Variants in SDHC observed in about 807,000 individuals in gnomAD.
The protein encoded by SDHC is succinate dehydrogenase complex subunit C.
In SDHC, 11 loss-of-function variants were observed where a neutral mutation model predicts 22.6. That is an observed-to-expected ratio of 0.49 (90% CI 0.31 to 0.81). SDHC has a LOEUF of 0.81. Among genes scored for constraint, SDHC ranks in the 30% least tolerant of loss-of-function variants. The pLI is 0.05. For synonymous variants in SDHC, 80 were observed against 77.8 expected, an observed-to-expected ratio of 1.03 and a Z score of -0.15; for missense variants, 160 against 212.0, an observed-to-expected ratio of 0.75 and a Z score of 1.52.
At chr1:161,342,493 TA>T (rs1242215759) in intron 4 of SDHC, among the ~76,000 whole-genome samples, 1 of 151,800 alleles carries the variant, frequency 6.6e-6, no homozygotes, top group African/African-American at 2.4e-5. Context: ...CTCCTGTGGA[TA>T]GTTCCCTGGT....
intron 1 of SDHC, 161 bp downstream of exon 1, chr1:161,314,586 T>G: frequency 2.5e-6 from 2 of 799,852 alleles, no homozygotes; most frequent in Non-Finnish European, 4.1e-6. Context: ...CCTTTTCCCG[T>G]CCCCCCCAGC....
chr1:161,314,733 G>C (rs1019143830), intron 1 of SDHC: 2 of 444,088 alleles, frequency 4.5e-6, no homozygotes, highest in African/African-American at 3.9e-5. Context: ...CCAGAGCCGA[G>C]CTCTGAGAAA....
chr1:161,346,217 A>G (rs1671892623), intron 4 of SDHC, among the ~76,000 whole-genome samples: 1 of 152,212 alleles, frequency 6.6e-6, no homozygotes, highest in Non-Finnish European at 1.5e-5. Context: ...ATCTTTATTT[A>G]CTAAATGAAC....
chr1:161,362,030 T>A (rs1000943369), intron 5 of SDHC, among the ~76,000 whole-genome samples: 4 of 151,998 alleles, frequency 2.6e-5, no homozygotes, highest in Non-Finnish European at 5.9e-5. Context: ...AAAAGTTGTA[T>A]CTATTCATTC....
chr1:161,348,792 C>T (rs963405049), intron 4 of SDHC, among the ~76,000 whole-genome samples: 3 of 151,532 alleles, frequency 2.0e-5, no homozygotes, highest in African/African-American at 7.3e-5. Flanking sequence ...GAGCTAGGAT[C>T]GCACCAGTGC....
At chr1:161,352,362 A>G (rs1366812504) in intron 4 of SDHC, among the ~76,000 whole-genome samples, 3 of 152,204 alleles carry the variant, frequency 2.0e-5, no homozygotes, top group Admixed American at 1.3e-4. Flanking sequence ...TCCTGATTAT[A>G]TCTGGCTTGG....
intron 4 of SDHC, among the ~76,000 whole-genome samples, chr1:161,353,827 A>G (rs1672174170): frequency 6.6e-6 from 1 of 152,284 alleles, no homozygotes; most frequent in African/African-American, 2.4e-5. Context: ...TATGAAAAAC[A>G]AAAGCAAAAA....
At chr1:161,344,146 C>T (rs921255187) in intron 4 of SDHC, among the ~76,000 whole-genome samples, 16 of 152,108 alleles carry the variant, frequency 1.1e-4, no homozygotes, top group South Asian at 4.2e-4. Flanking sequence ...AAAAAATAGC[C>T]GGGCATGGTG....
At chr1:161,356,932 C>A in intron 5 of SDHC, 92 bp downstream of exon 5, 2 of 1,066,196 alleles carry the variant, frequency 1.9e-6, no homozygotes, top group Non-Finnish European at 2.7e-6. Context: ...TAGTGCTGTT[C>A]TTTTTTTTTT....
At chr1:161,350,168 C>G (rs932811129) in intron 4 of SDHC, among the ~76,000 whole-genome samples, 3 of 152,244 alleles carry the variant, frequency 2.0e-5, no homozygotes, top group African/African-American at 7.2e-5. Context: ...CCTTGGCCTC[C>G]CAAAGTGCTA....
intron 2 of SDHC, among the ~76,000 whole-genome samples, chr1:161,326,323 G>A (rs1671046701): frequency 6.6e-6 from 1 of 151,940 alleles, no homozygotes; most frequent in South Asian, 2.1e-4. Flanking sequence ...CTAATACTGT[G>A]GGTTTATCCA....
chr1:161,348,165 G>T (rs76555727), intron 4 of SDHC, among the ~76,000 whole-genome samples: 17,751 of 150,802 alleles, frequency 0.12, 1,391 homozygotes, highest in African/African-American at 0.22. Context: ...TTGTTTGTTT[G>T]TTTTTTTTTG....
intron 4 of SDHC, among the ~76,000 whole-genome samples, chr1:161,344,781 A>G (rs1671838000): frequency 6.6e-6 from 1 of 152,220 alleles, no homozygotes; most frequent in African/African-American, 2.4e-5. Context: ...GGATTTCAAG[A>G]AACTTTATGC....
chr1:161,340,471 CAAAAAAAAAAAAAG>C, intron 3 of SDHC, 109 bp from the exon 4 acceptor site: 1 of 662,396 alleles, frequency 1.5e-6, no homozygotes, highest in South Asian at 1.6e-5. Context: ...GACTCTGTCT[CAAAAAAAAAAAAAG>C]AAAAAAAAGT....
At chr1:161,325,451 G>A (rs1203478785) in intron 2 of SDHC, among the ~76,000 whole-genome samples, 1 of 149,564 alleles carries the variant, frequency 6.7e-6, no homozygotes, top group Non-Finnish European at 1.5e-5. Flanking sequence ...AGGCTGAGGT[G>A]GGCGGATTGC....
intron 5 of SDHC, among the ~76,000 whole-genome samples, chr1:161,361,999 T>C (rs1672532761): frequency 6.6e-6 from 1 of 151,910 alleles, no homozygotes; most frequent in South Asian, 2.1e-4. Context: ...GAAACATTAA[T>C]CTAGATGTGT....
At chr1:161,320,793 C>T (rs1207053125) in intron 1 of SDHC, among the ~76,000 whole-genome samples, 2 of 150,578 alleles carry the variant, frequency 1.3e-5, no homozygotes, top group Non-Finnish European at 3.0e-5. Context: ...ATGACTCACT[C>T]AAGTTATACA....
intron 3 of SDHC, among the ~76,000 whole-genome samples, chr1:161,338,255 G>A (rs1671569451): frequency 6.6e-6 from 1 of 151,896 alleles, no homozygotes; most frequent in Non-Finnish European, 1.5e-5. Context: ...TGATCAGAGT[G>A]GTATCTAGTT....
chr1:161,339,645 C>A, intron 3 of SDHC: 1 of 370,652 alleles, frequency 2.7e-6, no homozygotes, highest in Non-Finnish European at 4.3e-6. Context: ...TTTTTGTAAC[C>A]TAATCCTGAT....
Sources: gnomAD v4.1 joint callset for allele counts (sites outside exome capture counted in the v4.1 genomes callset) on GRCh38, gnomAD v4.1.1 for gene constraint, MANE v1.5 for transcripts, NCBI Gene and HGNC (gene_info 2026-07-23, HGNC 2026-07-21) for gene names.